The following CTBP2 variants were observed in gnomAD, a reference collection of about 807,000 sequenced individuals.
The protein encoded by CTBP2 is C-terminal-binding protein 2.
Under a neutral mutation model 80.3 loss-of-function variants are expected in CTBP2, and 30 were observed. That is an observed-to-expected ratio of 0.37 (90% CI 0.28 to 0.51). CTBP2 has a LOEUF of 0.51. Ranked by LOEUF, CTBP2 falls within the 20% of genes least tolerant of loss-of-function variation. The probability of loss-of-function intolerance (pLI) is 0.93; values close to 1 mark genes in which losing one functional copy is unlikely to be tolerated. For synonymous variants in CTBP2, 594 were observed against 587.4 expected, an observed-to-expected ratio of 1.01 and a Z score of -0.16; for missense variants, 1,212 against 1,375.3, an observed-to-expected ratio of 0.88 and a Z score of 1.88.
intron 1 of CTBP2, among the ~76,000 whole-genome samples, chr10:125,145,599 A>G (rs1006230679): frequency 6.6e-6 from 1 of 152,182 alleles, no homozygotes; most frequent in Non-Finnish European, 1.5e-5. Context: ...TAGGAAGAAG[A>G]AGGCACAGTT....
chr10:124,998,580 G>A (rs1953987314), intron 3 of CTBP2: 1 of 237,474 alleles, frequency 4.2e-6, no homozygotes, highest in Non-Finnish European at 8.3e-6. Flanking sequence ...TCTCCCTCAT[G>A]GAGCTGGCAG....
At position 125,066,581 on chromosome 10, in the gene CTBP2, G is replaced by C. The variant is rs1844668021; in HGVS notation, c.-101-27426C>G. ...CTGAAGTGTGGGCAGCATCTTTTCT[G>C]TTTGCACGACTCAAAGTCTGCCTGG... On this transcript the variant is annotated intron_variant, in intron 2 of 10. Coordinates refer to the CTBP2 transcript ENST00000337195. The surrounding 1 kb of genome is among the most constrained non-coding windows in gnomAD (Gnocchi z 4.1). 6.6e-6 allele frequency among the ~76,000 whole-genome samples: 1 copy of C among 152,128 alleles called. No individual in the cohort carries two copies. Among genetic ancestry groups the C allele is most frequent in the Non-Finnish European group, 1.5e-5 (1 of 68,018 alleles).
intron 2 of CTBP2, among the ~76,000 whole-genome samples, chr10:125,074,503 C>T (rs879819865): frequency 4.6e-5 from 7 of 152,164 alleles, no homozygotes; most frequent in African/African-American, 1.7e-4. Context: ...CACAGGCGCC[C>T]GCCATCACAC....
At chr10:125,024,647 C>T (rs944267156) in intron 1 of CTBP2, among the ~76,000 whole-genome samples, 2 of 152,192 alleles carry the variant, frequency 1.3e-5, no homozygotes, top group African/African-American at 4.8e-5. Flanking sequence ...CTTAGCAACA[C>T]ATAATTAAGG....
intron 2 of CTBP2, among the ~76,000 whole-genome samples, chr10:125,093,322 A>G (rs529903729): frequency 1.9e-4 from 29 of 152,340 alleles, no homozygotes; most frequent in African/African-American, 5.5e-4. Context: ...CTGAATTCTC[A>G]CTGAAGAATT....
In CTBP2 at chr10:125,018,420, G is replaced by T. The variant is rs185168929; in HGVS notation, c.1678+7662C>A. On this transcript the variant is annotated intron_variant, in intron 1 of 8. Transcript: ENST00000309035. ...ACCTGTGGTCTCAGCTTCTTGGGAAGCAGAGGTTGCAGTGAGCCGAGATTG... is the reference window on the plus strand; with the variant it reads ...ACCTGTGGTCTCAGCTTCTTGGGAATCAGAGGTTGCAGTGAGCCGAGATTG... Among the ~76,000 whole-genome samples, 12 of 152,256 alleles carry T rather than the reference G, an allele frequency of 7.9e-5. No individual in the cohort carries two copies. The East Asian group carries it at 1.4e-3, about 17-fold the overall frequency.
chr10:125,082,587 C>CT (rs1491358049), intron 2 of CTBP2, among the ~76,000 whole-genome samples: 3 of 126,882 alleles, frequency 2.4e-5, no homozygotes, highest in African/African-American at 7.1e-5. Context: ...GCCAGCTTTC[C>CT]TCTTTTTTTT....
chr10:125,049,871 A>AC (rs1962293971), intron 2 of CTBP2, among the ~76,000 whole-genome samples: 2 of 152,170 alleles, frequency 1.3e-5, no homozygotes, highest in South Asian at 4.1e-4. Context: ...CTCTTGAGCC[A>AC]CCCCGCTCCA....
At chr10:125,040,848 G>C (rs1295317139) in intron 2 of CTBP2, among the ~76,000 whole-genome samples, 1 of 152,184 alleles carries the variant, frequency 6.6e-6, no homozygotes, top group Non-Finnish European at 1.5e-5. Flanking sequence ...AAGATTTATG[G>C]CGATAATTAC....
intron 3 of CTBP2, among the ~76,000 whole-genome samples, chr10:125,035,297 G>A (rs951873105): frequency 3.3e-5 from 5 of 152,140 alleles, no homozygotes; most frequent in Non-Finnish European, 5.9e-5. Context: ...CTGTGGTCGT[G>A]AGAACATTCC....
intron 1 of CTBP2, among the ~76,000 whole-genome samples, chr10:125,136,236 C>G (rs1042700945): frequency 6.6e-6 from 1 of 152,150 alleles, no homozygotes; most frequent in Non-Finnish European, 1.5e-5. Context: ...GGGAGGGAGG[C>G]CCAGGCTGGC....
At chr10:124,995,525 CAGG>C (rs909239555) in intron 4 of CTBP2, among the ~76,000 whole-genome samples, 12 of 152,202 alleles carry the variant, frequency 7.9e-5, no homozygotes, top group Non-Finnish European at 1.3e-4. Flanking sequence ...AAGGTGCAGG[CAGG>C]AGAAGGACAA....
At chr10:125,023,723 T>C (rs753966483) in intron 1 of CTBP2, among the ~76,000 whole-genome samples, 3 of 152,044 alleles carry the variant, frequency 2.0e-5, no homozygotes, top group South Asian at 2.1e-4. Context: ...ATTGTGTGTA[T>C]GCACAAAACC....
At chr10:125,160,027 CACA>C (rs955351870) in intron 1 of CTBP2, 1 of 150,068 alleles carries the variant, frequency 6.7e-6, no homozygotes, top group Non-Finnish European at 1.5e-5. Flanking sequence ...CAACTCTCAT[CACA>C]ACAACAAAAA....
chr10:125,099,629 T>A (rs565919710), intron 2 of CTBP2, among the ~76,000 whole-genome samples: 2 of 152,262 alleles, frequency 1.3e-5, no homozygotes, highest in South Asian at 4.2e-4. Context: ...TCAACAAGTT[T>A]GTATGGAAAA....
intron 1 of CTBP2, among the ~76,000 whole-genome samples, chr10:125,010,980 C>T (rs962403676): frequency 2.0e-5 from 3 of 152,242 alleles, no homozygotes; most frequent in Non-Finnish European, 4.4e-5. Flanking sequence ...CAAAGTTGGG[C>T]TCTTACTTGT....
At chr10:124,989,891 C>T (rs1029644183) in intron 8 of CTBP2, among the ~76,000 whole-genome samples, 193 bp from the exon 11 acceptor site, 2 of 152,150 alleles carry the variant, frequency 1.3e-5, no homozygotes, top group African/African-American at 4.8e-5. Flanking sequence ...CATGAGCCAC[C>T]ACGCCTAGCT....
At chr10:125,003,135 C>A in intron 2 of CTBP2, 31 bp from the exon 5 acceptor site, 1 of 1,612,670 alleles carries the variant, frequency 6.2e-7, no homozygotes. Flanking sequence ...GGGTCGGAGC[C>A]CCACCCCGTG....
chr10:125,152,007 C>G (rs112353254), intron 1 of CTBP2, among the ~76,000 whole-genome samples: 2 of 151,878 alleles, frequency 1.3e-5, no homozygotes, highest in Admixed American at 1.3e-4. Flanking sequence ...AGGCGAGGCG[C>G]GAGGTGGGGG....
Sources: gnomAD v4.1 joint callset for allele counts (sites outside exome capture counted in the v4.1 genomes callset) on GRCh38, gnomAD v4.1.1 for gene constraint, Gnocchi (gnomAD v3.1) non-coding constraint, MANE v1.5 for transcripts, NCBI Gene and HGNC (gene_info 2026-07-23, HGNC 2026-07-21) for gene names.